Variants in PSMD1 observed in about 807,000 individuals in gnomAD.
PSMD1 encodes the protein proteasome 26S subunit, non-ATPase 1.
A neutral mutation model predicts 119.0 loss-of-function variants in PSMD1; 18 were observed. The observed-to-expected ratio is 0.15, with a 90% confidence interval of 0.10 to 0.22. The LOEUF (loss-of-function observed/expected upper bound fraction) is 0.22. Among genes scored for constraint, PSMD1 ranks in the 10% least tolerant of loss-of-function variants. The pLI, the probability that PSMD1 is intolerant of heterozygous loss-of-function variation, is 1.00. For synonymous variants in PSMD1, 374 were observed against 396.6 expected (o/e 0.94, Z 0.68); for missense variants, 702 against 1,158.5 (o/e 0.61, Z 5.72).
At chr2:231,145,441 G>A (rs1385498165) in intron 17 of PSMD1, among the ~76,000 whole-genome samples, 1 of 152,132 alleles carries the variant, frequency 6.6e-6, no homozygotes, top group Non-Finnish European at 1.5e-5. Flanking sequence ...ATGTGAGGGC[G>A]TACGACACTA....
intron 16 of PSMD1, among the ~76,000 whole-genome samples, chr2:231,131,882 T>C (rs1441088363): frequency 6.6e-6 from 1 of 152,164 alleles, no homozygotes; most frequent in East Asian, 1.9e-4. Context: ...AAAGATTGAA[T>C]GTCTAAACTA....
chr2:231,146,133 C>A, intron 17 of PSMD1, 107 bp from the exon 18 acceptor site: 1 of 710,346 alleles, frequency 1.4e-6, no homozygotes, highest in Middle Eastern at 2.4e-4. Flanking sequence ...ATCATATATG[C>A]AGTGTGTCAC....
At position 231,070,148 on chromosome 2, in the gene PSMD1, GA is replaced by G; in HGVS notation, c.635del (p.Asp212ValfsTer9). On this transcript the variant is annotated frameshift_variant, in exon 6 of 25. Coordinates refer to ENST00000308696, the MANE Select transcript of PSMD1 (RefSeq NM_002807.4). LOFTEE classifies it high-confidence loss of function. ...VKIYMNLEKP[D>X]FINVCQCLIF... ...AATCTACATGAACTTGGAGAAACCT[GA>G]TTTCATCAATGTTTGTCAGGTAATG... The G allele has an allele frequency of 6.5e-7, 1 of 1,549,464 alleles. No individual in the cohort carries two copies. The highest frequency in any genetic ancestry group is 1.3e-5 in the South Asian group (1 of 79,124).
rs145381199 is a variant in PSMD1, at chr2:231,141,412, C to T, written c.1998+2562C>T. 7.6e-3 allele frequency among the ~76,000 whole-genome samples: 1,127 copies of T among 148,210 alleles called. 21 individuals carry two copies. The highest frequency in any genetic ancestry group is 0.028 in the African/African-American group (1,082 of 39,024). ...ATTTCATCCTATTCTGTCTGCTTAC[C>T]CTGCTATACTTTTTTTTTTTTTTTT... is the stretch of plus-strand genomic sequence containing the variant. On this transcript the variant is annotated intron_variant, in intron 17 of 24. Transcript: ENST00000308696.
At chr2:231,120,744 A>G (rs1695511420) in intron 16 of PSMD1, among the ~76,000 whole-genome samples, 1 of 152,158 alleles carries the variant, frequency 6.6e-6, no homozygotes, top group Non-Finnish European at 1.5e-5. Flanking sequence ...CTTTCATTGA[A>G]TTCCCCTGCG....
chr2:231,096,338 G>T (rs1486011400), intron 16 of PSMD1, among the ~76,000 whole-genome samples: 1 of 152,100 alleles, frequency 6.6e-6, no homozygotes, highest in African/African-American at 2.4e-5. Context: ...TGTTAATGGC[G>T]GGGCTGAGGG....
chr2:231,146,476 TAAAG>T, intron 18 of PSMD1, 120 bp downstream of exon 18: 1 of 708,342 alleles, frequency 1.4e-6, no homozygotes, highest in Non-Finnish European at 2.4e-6. Flanking sequence ...AAAGTAAAAG[TAAAG>T]AGAGCATTTT....
intron 16 of PSMD1, among the ~76,000 whole-genome samples, chr2:231,127,274 C>CA (rs774471116): frequency 0.021 from 2,479 of 115,644 alleles, 20 homozygotes; most frequent in Non-Finnish European, 0.024. Flanking sequence ...ACAACAACAA[C>CA]AAAAAAAAAA....
At chr2:231,153,119 A>C (rs1696407828) in intron 18 of PSMD1, among the ~76,000 whole-genome samples, 1 of 152,196 alleles carries the variant, frequency 6.6e-6, no homozygotes, top group Non-Finnish European at 1.5e-5. Flanking sequence ...CATGCAAAAG[A>C]TACCTCACAC....
chr2:231,159,742 T>C (rs1453931937), intron 19 of PSMD1, among the ~76,000 whole-genome samples: 1 of 152,158 alleles, frequency 6.6e-6, no homozygotes, highest in African/African-American at 2.4e-5. Flanking sequence ...AGAGGAATAG[T>C]CTAGGGCAGC....
intron 16 of PSMD1, among the ~76,000 whole-genome samples, chr2:231,091,456 C>G (rs1694591042): frequency 6.6e-6 from 1 of 152,216 alleles, no homozygotes; most frequent in Non-Finnish European, 1.5e-5. Flanking sequence ...TGACTGATCT[C>G]CTACATCTCC....
At chr2:231,123,299 A>G (rs893080539) in intron 16 of PSMD1, 15 of 814,368 alleles carry the variant, frequency 1.8e-5, no homozygotes, top group Non-Finnish European at 2.7e-5. Flanking sequence ...GTATCTTTAA[A>G]TAGTCCAAGT....
intron 16 of PSMD1, among the ~76,000 whole-genome samples, chr2:231,089,935 C>T (rs1574720567): frequency 6.6e-6 from 1 of 152,204 alleles, no homozygotes; most frequent in Non-Finnish European, 1.5e-5. Flanking sequence ...CAGACATACC[C>T]AGGATCAATA....
intron 16 of PSMD1, among the ~76,000 whole-genome samples, chr2:231,092,839 G>A (rs1231968264): frequency 6.6e-6 from 1 of 152,202 alleles, no homozygotes; most frequent in Non-Finnish European, 1.5e-5. Context: ...CCCGGTTTGA[G>A]GCTATCTGCA....
chr2:231,060,429 T>C (rs549570403), intron 1 of PSMD1: 2 of 152,238 alleles, frequency 1.3e-5, no homozygotes, highest in Non-Finnish European at 2.9e-5. Flanking sequence ...TCTGGAATGA[T>C]TTTAAAACCC....
intron 16 of PSMD1, among the ~76,000 whole-genome samples, chr2:231,111,999 C>G (rs1695171360): frequency 6.6e-6 from 1 of 152,084 alleles, no homozygotes; most frequent in Non-Finnish European, 1.5e-5. Flanking sequence ...TTGATGGTAT[C>G]CAGCCTTAAT....
At position 231,170,836 on chromosome 2, in the gene PSMD1, C is replaced by A; in HGVS notation, c.*9+115C>A. On this transcript the variant is annotated intron_variant, in intron 24 of 24. Coordinates refer to ENST00000308696, the MANE Select transcript of PSMD1 (RefSeq NM_002807.4). The surrounding 1 kb of genome is among the most constrained non-coding windows in gnomAD (Gnocchi z 4.1). ...CCTTTTGTGTTTAATCCTTATTTAC[C>A]TAAACAGTATTAAAACTTCCCCGTT... 1 of 1,161,510 alleles carries A rather than the reference C, an allele frequency of 8.6e-7. No individual in the cohort carries two copies. The highest frequency in any genetic ancestry group is 1.2e-6 in the Non-Finnish European group (1 of 847,970). The allele number at this position is 1,161,510 out of a possible 1,614,324, so 72.0% of individuals were successfully genotyped here. A position where few individuals can be genotyped will look rare whatever the true frequency, so the allele number is the denominator to read the frequency against.
At chr2:231,064,776 G>A (rs1307987590) in intron 4 of PSMD1, among the ~76,000 whole-genome samples, 1 of 151,832 alleles carries the variant, frequency 6.6e-6, no homozygotes, top group Non-Finnish European at 1.5e-5. Flanking sequence ...AGTGATTCTC[G>A]TGCCTCAGCC....
chr2:231,109,771 C>G (rs958072265), intron 16 of PSMD1, among the ~76,000 whole-genome samples: 2 of 152,058 alleles, frequency 1.3e-5, no homozygotes, highest in African/African-American at 4.8e-5. Context: ...AGAAGAGAAC[C>G]TGCTTTTTTC....
Sources: allele counts gnomAD v4.1 joint callset (sites outside exome capture counted in the v4.1 genomes callset), GRCh38; gene constraint gnomAD v4.1.1; non-coding constraint Gnocchi (gnomAD v3.1); transcripts MANE v1.5; gene names NCBI Gene and HGNC (gene_info 2026-07-23, HGNC 2026-07-21).